PCDH11X: variants seen among roughly 807,000 people sequenced by gnomAD.
The protein encoded by PCDH11X is protocadherin 11 X-linked, also known as protocadherin-11 X-linked.
In PCDH11X, 18 loss-of-function variants were observed where a neutral mutation model predicts 53.3. That is an observed-to-expected ratio of 0.34 (90% CI 0.23 to 0.50). The LOEUF is 0.50. PCDH11X is among the 20% of genes least tolerant of loss of function. The pLI is 0.98. For missense variants in PCDH11X, 570 were observed against 1,032.4 expected (o/e 0.55, Z 6.14); for synonymous variants, 279 against 393.3 (o/e 0.71, Z 3.44).
At position 91,878,404 on chromosome X, in the gene PCDH11X, G is replaced by T; in HGVS notation, c.2164G>T (p.Asp722Tyr). 1 of 1,204,755 alleles carries T rather than the reference G, an allele frequency of 8.3e-7. No homozygotes were observed. The highest frequency in any genetic ancestry group is 1.8e-5 in the African/African-American group (1 of 56,460). The change falls in exon 6 of 11, where the codon GAT becomes TAT. Residue 722 changes from aspartate to tyrosine, a missense_variant. By Grantham distance (160) the Asp-to-Tyr change is radical. Coordinates refer to ENST00000682573, the MANE Select transcript of PCDH11X (RefSeq NM_032968.5). ...RYSIVGGNTR[D>Y]LFAIDQETGN... ...CAGCATTGTAGGAGGAAACACAAGA[G>T]ATCTGTTTGCAATCGACCAAGAAAC...
chrX:92,362,026 C>T (rs1178517816), intron 8 of PCDH11X, among the ~76,000 whole-genome samples: 7 of 110,979 alleles, frequency 6.3e-5, no homozygotes, highest in Admixed American at 2.9e-4. Context: ...TACCACATTT[C>T]GTTTATCCAC....
chrX:91,922,010 G>T, intron 6 of PCDH11X, among the ~76,000 whole-genome samples: 2 of 110,749 alleles, frequency 1.8e-5, no homozygotes, highest in Middle Eastern at 9.4e-3. Context: ...GTTAGTATTT[G>T]GCATTACATA....
At chrX:92,299,718 T>C (rs1184766324) in intron 8 of PCDH11X, among the ~76,000 whole-genome samples, 1 of 111,548 alleles carries the variant, frequency 9.0e-6, no homozygotes, top group East Asian at 2.8e-4. Flanking sequence ...TTTATCTAGC[T>C]AGCAGTCTAT....
intron 6 of PCDH11X, among the ~76,000 whole-genome samples, chrX:91,974,850 T>C (rs1313540335): frequency 9.1e-6 from 1 of 109,826 alleles, no homozygotes; most frequent in Non-Finnish European, 1.9e-5. Context: ...CCTCCCGGGC[T>C]CAATTGATTC....
chrX:92,559,694 C>T (rs1407450187), intron 10 of PCDH11X, among the ~76,000 whole-genome samples: 6 of 110,379 alleles, frequency 5.4e-5, no homozygotes, highest in Non-Finnish European at 9.5e-5. Flanking sequence ...CTTAGTCCTG[C>T]CCTGTCATAG....
intron 6 of PCDH11X, among the ~76,000 whole-genome samples, chrX:92,010,003 C>T (rs371758168): frequency 1.9e-3 from 214 of 110,759 alleles, no homozygotes; most frequent in African/African-American, 6.9e-3. Flanking sequence ...CCTCGCCTGG[C>T]CTGTTGCATT....
intron 6 of PCDH11X, among the ~76,000 whole-genome samples, chrX:92,042,255 C>G (rs1414754443): frequency 9.1e-6 from 1 of 109,817 alleles, no homozygotes; most frequent in Non-Finnish European, 1.9e-5. Context: ...AAGATAATGT[C>G]ACATTCTTCG....
chrX:92,412,575 A>G (rs1225593087), intron 9 of PCDH11X, among the ~76,000 whole-genome samples: 1 of 98,667 alleles, frequency 1.0e-5, no homozygotes, highest in Non-Finnish European at 2.1e-5. Flanking sequence ...GTAGATAAAT[A>G]TGGTATAATT....
intron 6 of PCDH11X, among the ~76,000 whole-genome samples, chrX:92,128,587 G>A (rs766928478): frequency 1.8e-5 from 2 of 108,676 alleles, no homozygotes; most frequent in East Asian, 2.9e-4. Flanking sequence ...TAGTAGAGAC[G>A]GGGGTTTCAC....
intron 6 of PCDH11X, among the ~76,000 whole-genome samples, chrX:91,968,431 C>A (rs1424145230): frequency 9.1e-6 from 1 of 110,179 alleles, no homozygotes; most frequent in African/African-American, 3.3e-5. Flanking sequence ...GACTGAGTCA[C>A]AAGCAAATAA....
chrX:92,069,111 C>A (rs149100650), intron 6 of PCDH11X, among the ~76,000 whole-genome samples: 2,516 of 110,264 alleles, frequency 0.023, 91 homozygotes, highest in African/African-American at 0.078. Context: ...GTATATCACT[C>A]TCTTCAGCTC....
intron 8 of PCDH11X, among the ~76,000 whole-genome samples, chrX:92,285,262 T>G (rs1056296866): frequency 1.1e-5 from 1 of 94,793 alleles, no homozygotes; most frequent in South Asian, 5.6e-4. Flanking sequence ...TTTTTTTTTT[T>G]TTTTTTTTGA....
chrX:91,883,054 T>C lies in PCDH11X; in HGVS notation c.3033+3781T>C, dbSNP rs983837355. ...TTAATTTTGTAATCTAGATTTCCCA[T>C]TATAAAAGCAAGCAAAAATCATCTT... On this transcript the variant is annotated intron_variant, in intron 6 of 10. Coordinates refer to ENST00000682573, the MANE Select transcript of PCDH11X (RefSeq NM_032968.5). The C allele has an allele frequency of 5.6e-5, 59 of 1,061,137 alleles. No homozygotes were observed. The African/African-American group carries it at 9.8e-4, about 18-fold the overall frequency. The allele number at this position is 1,061,137 out of a possible 1,213,427, so 87.4% of individuals were successfully genotyped here. A position where few individuals can be genotyped will look rare whatever the true frequency, so the allele number is the denominator to read the frequency against.
At chrX:92,573,613 A>C (rs985289681) in intron 10 of PCDH11X, among the ~76,000 whole-genome samples, 1 of 110,786 alleles carries the variant, frequency 9.0e-6, no homozygotes, top group Non-Finnish European at 1.9e-5. Flanking sequence ...AAATAATTTT[A>C]ATTACATAGA....
intron 9 of PCDH11X, among the ~76,000 whole-genome samples, chrX:92,416,929 T>G (rs1174503415): frequency 9.0e-6 from 1 of 111,631 alleles, no homozygotes; most frequent in Non-Finnish European, 1.9e-5. Context: ...TGGTGGCATT[T>G]TTTTTTAGTT....
intron 4 of PCDH11X, among the ~76,000 whole-genome samples, chrX:91,832,499 G>T (rs61028798): frequency 0.027 from 2,240 of 83,769 alleles, 70 homozygotes; most frequent in African/African-American, 0.094. Flanking sequence ...GTTGTGGGGT[G>T]GGGGGAGGGG....
chrX:92,023,861 A>G (rs1356787944), intron 6 of PCDH11X, among the ~76,000 whole-genome samples: 2 of 110,885 alleles, frequency 1.8e-5, no homozygotes, highest in Non-Finnish European at 3.8e-5. Context: ...CTGGTTCAAC[A>G]TACACAAATC....
At chrX:92,128,065 G>T (rs916869396) in intron 6 of PCDH11X, among the ~76,000 whole-genome samples, 40 of 110,188 alleles carry the variant, frequency 3.6e-4, no homozygotes, top group Non-Finnish European at 4.1e-4. Flanking sequence ...AATTATATGT[G>T]TAAAATTTCT....
intron 6 of PCDH11X, among the ~76,000 whole-genome samples, chrX:92,064,336 G>A (rs2063571057): frequency 9.1e-6 from 1 of 109,719 alleles, no homozygotes; most frequent in African/African-American, 3.3e-5. Flanking sequence ...TTTATTTTTT[G>A]TTCTTCTAAA....
Sources: gnomAD v4.1 joint callset for allele counts (sites outside exome capture counted in the v4.1 genomes callset) on GRCh38, gnomAD v4.1.1 for gene constraint, MANE v1.5 for transcripts, NCBI Gene and HGNC (gene_info 2026-07-23, HGNC 2026-07-21) for gene names.